SLC9A9: variants seen among roughly 807,000 people sequenced by gnomAD.
The protein encoded by SLC9A9 is sodium/hydrogen exchanger 9.
In SLC9A9, 62 loss-of-function variants were observed where a neutral mutation model predicts 77.8. That is an observed-to-expected ratio of 0.80 (90% CI 0.65 to 0.98). SLC9A9 has a LOEUF of 0.98. Ranked by LOEUF, SLC9A9 falls within the 50% of genes least tolerant of loss-of-function variation. SLC9A9 has a pLI of 0.00. For synonymous variants in SLC9A9, 320 were observed against 283.5 expected (o/e 1.13, Z -1.29); for missense variants, 775 against 774.9 (o/e 1.00, Z 0.00).
At chr3:143,704,836 T>G (rs79535385) in intron 4 of SLC9A9, among the ~76,000 whole-genome samples, 1 of 151,942 alleles carries the variant, frequency 6.6e-6, no homozygotes, top group African/African-American at 2.4e-5. Context: ...CTACTAAAAA[T>G]ACAAAATAAG....
At chr3:143,817,763 G>T (rs925551971) in intron 2 of SLC9A9, among the ~76,000 whole-genome samples, 1 of 151,918 alleles carries the variant, frequency 6.6e-6, no homozygotes, top group African/African-American at 2.4e-5. Context: ...CTTTTTCAAA[G>T]ACCCAGAAGA....
At position 143,809,428 on chromosome 3, in the gene SLC9A9, A is replaced by G. The variant is rs561735154; in HGVS notation, c.379-12525T>C. Reference sequence around the variant, plus strand: ...TTGTGTTCTTTTCAGACTTGCTGTAAGCTTACGAACTGCTAAATCAGAGTT... The same window carrying G: ...TTGTGTTCTTTTCAGACTTGCTGTAGGCTTACGAACTGCTAAATCAGAGTT... On this transcript the variant is annotated intron_variant, in intron 2 of 15. Coordinates refer to ENST00000316549, the MANE Select transcript of SLC9A9 (RefSeq NM_173653.4). Among the ~76,000 whole-genome samples the G allele has an allele frequency of 2.5e-3, 378 of 152,316 alleles. 3 individuals carry two copies. Among genetic ancestry groups the G allele is most frequent in the African/African-American group, 8.6e-3 (357 of 41,570 alleles).
At chr3:143,355,589 C>T (rs568948982) in intron 14 of SLC9A9, among the ~76,000 whole-genome samples, 2 of 152,162 alleles carry the variant, frequency 1.3e-5, no homozygotes, top group African/African-American at 4.8e-5. Context: ...TGATAAAAAC[C>T]AACAGTGGAA....
At position 143,758,565 on chromosome 3, in the gene SLC9A9, G is replaced by A. The variant is rs80075084; in HGVS notation, c.533+36436C>T. ...GTTTAGAGATAAAGTTGTTAACAGA[G>A]AAGAGAAAACAAGCCAAGGTGGGGG... On this transcript the variant is annotated intron_variant, in intron 4 of 15. Coordinates refer to ENST00000316549, the MANE Select transcript of SLC9A9 (RefSeq NM_173653.4). Among the ~76,000 whole-genome samples the A allele has an allele frequency of 3.8e-3, 576 of 152,234 alleles. 7 individuals are homozygous for A. Among genetic ancestry groups the A allele is most frequent in the African/African-American group, 0.013 (544 of 41,554 alleles).
intron 9 of SLC9A9, among the ~76,000 whole-genome samples, chr3:143,504,617 T>C (rs1171925550): frequency 6.6e-6 from 1 of 152,208 alleles, no homozygotes; most frequent in African/African-American, 2.4e-5. Context: ...ATTATAGTAA[T>C]ATCAATATTA....
At chr3:143,675,505 C>T (rs1030612390) in intron 5 of SLC9A9, among the ~76,000 whole-genome samples, 3 of 152,142 alleles carry the variant, frequency 2.0e-5, no homozygotes, top group East Asian at 1.9e-4. Flanking sequence ...AAGCCAACAA[C>T]GAGGGCTCAG....
intron 6 of SLC9A9, among the ~76,000 whole-genome samples, chr3:143,648,954 C>T (rs974247221): frequency 8.5e-5 from 13 of 152,298 alleles, no homozygotes; most frequent in African/African-American, 2.9e-4. Context: ...GATTCCTGTT[C>T]ATTTCACTGG....
At chr3:143,373,352 G>A (rs956255145) in intron 13 of SLC9A9, among the ~76,000 whole-genome samples, 2 of 152,042 alleles carry the variant, frequency 1.3e-5, no homozygotes, top group Non-Finnish European at 2.9e-5. Flanking sequence ...ACTCACGAAT[G>A]GTAAACCAAA....
intron 6 of SLC9A9, among the ~76,000 whole-genome samples, chr3:143,638,532 C>T (rs1408417235): frequency 6.6e-6 from 1 of 152,210 alleles, no homozygotes; most frequent in Admixed American, 6.5e-5. Context: ...GAATTTCCTC[C>T]TTTTTCCTTC....
intron 4 of SLC9A9, among the ~76,000 whole-genome samples, chr3:143,737,151 T>C (rs897450121): frequency 6.6e-6 from 1 of 152,206 alleles, no homozygotes; most frequent in Admixed American, 6.5e-5. Flanking sequence ...TCAAGGAGCA[T>C]GCTTTCTAGA....
intron 12 of SLC9A9, among the ~76,000 whole-genome samples, chr3:143,384,734 A>C (rs1299154885): frequency 6.6e-6 from 1 of 152,220 alleles, no homozygotes; most frequent in Non-Finnish European, 1.5e-5. Context: ...ATCTCAGGGC[A>C]GGTCCAGAGC....
At chr3:143,800,024 C>T (rs2008506795) in intron 2 of SLC9A9, among the ~76,000 whole-genome samples, 1 of 152,098 alleles carries the variant, frequency 6.6e-6, no homozygotes, top group South Asian at 2.1e-4. Flanking sequence ...TTAGTTATCC[C>T]CACCTGCCCA....
chr3:143,358,977 A>T (rs779818229), intron 14 of SLC9A9, among the ~76,000 whole-genome samples: 1 of 152,218 alleles, frequency 6.6e-6, no homozygotes, highest in Non-Finnish European at 1.5e-5. Context: ...AGCAATAGGG[A>T]TTTAAGTCTG....
chr3:143,760,299 C>T (rs1181844927), intron 4 of SLC9A9, among the ~76,000 whole-genome samples: 2 of 152,040 alleles, frequency 1.3e-5, no homozygotes, highest in Non-Finnish European at 2.9e-5. Context: ...ACAGAGATGC[C>T]CTCTCTCACC....
chr3:143,820,794 C>T (rs756809750), intron 2 of SLC9A9, among the ~76,000 whole-genome samples: 1 of 149,832 alleles, frequency 6.7e-6, no homozygotes, highest in Non-Finnish European at 1.5e-5. Flanking sequence ...TTCTTTTTTC[C>T]AATCTAGAAT....
rs1181244744 is a variant in SLC9A9, at chr3:143,493,656, A to G, written c.1312T>C (p.Ser438Pro). 8 of 1,612,262 alleles carry G rather than the reference A, an allele frequency of 5.0e-6. No homozygotes were observed. Among genetic ancestry groups the G allele is most frequent in the Non-Finnish European group, 5.1e-6 (6 of 1,178,380 alleles). ...PWNFQHMMMFSGLRGAIAFAL... is the reference protein window; with the variant it reads ...PWNFQHMMMFPGLRGAIAFAL... ...ACATATAACATAGTTCACATACCTG[A>G]AAACATCATCATGTGCTGAAAGTTC... The change falls in exon 11 of 16, where the codon TCA (serine) becomes CCA (proline). Residue 438 changes from serine to proline, a missense_variant. Ser to Pro is a moderately conservative substitution (Grantham distance 74, BLOSUM62 -1). Coordinates refer to ENST00000316549, the MANE Select transcript of SLC9A9 (RefSeq NM_173653.4).
Position 143,581,813 on chromosome 3 carries a change from C to A in SLC9A9, c.756-3090G>T, listed in dbSNP as rs143719734. Among the ~76,000 whole-genome samples, 498 of 152,222 alleles carry A rather than the reference C, an allele frequency of 3.3e-3. 2 individuals are homozygous for A. Among genetic ancestry groups the A allele is most frequent in the African/African-American group, 0.011 (466 of 41,548 alleles). ...ACCTTCCTGTATACAAGCATAAGAG[C>A]GGAGTATGTTGACTAGGGCAACAGC... On this transcript the variant is annotated intron_variant, in intron 6 of 15. Coordinates refer to ENST00000316549, the MANE Select transcript of SLC9A9 (RefSeq NM_173653.4).
At chr3:143,449,991 TACATATATATACA>T (rs1269824036) in intron 12 of SLC9A9, among the ~76,000 whole-genome samples, 5 of 55,158 alleles carry the variant, frequency 9.1e-5, no homozygotes, top group East Asian at 9.3e-4. Flanking sequence ...TATGTATATA[TACATATATATACA>T]TATATGCATA....
intron 5 of SLC9A9, among the ~76,000 whole-genome samples, chr3:143,653,924 C>G (rs531468837): frequency 6.6e-6 from 1 of 152,224 alleles, no homozygotes; most frequent in African/African-American, 2.4e-5. Flanking sequence ...ACATAGTAAG[C>G]CTTTAATGAG....
Sources: allele counts gnomAD v4.1 joint callset (sites outside exome capture counted in the v4.1 genomes callset), GRCh38; gene constraint gnomAD v4.1.1; transcripts MANE v1.5; gene names NCBI Gene and HGNC (gene_info 2026-07-23, HGNC 2026-07-21).